Variants in SPMIP11 observed in about 807,000 individuals in gnomAD.
SPMIP11 encodes the protein long intergenic non-protein coding RNA 935.
the SPMIP11 span, among the ~76,000 whole-genome samples, chr12:48,747,076 A>G: frequency 0.6 from 91,508 of 151,984 alleles, 27,825 homozygotes; most frequent in East Asian, 0.76. Context: ...TGGCCCTTAC[A>G]GACAACTGAG....
chr12:48,763,656 C>T, the SPMIP11 span, among the ~76,000 whole-genome samples: 87 of 150,476 alleles, frequency 5.8e-4, 1 homozygote, highest in African/African-American at 2.1e-3. Context: ...TAGAATTAGA[C>T]TTATCCAAAT....
At chr12:48,741,335 G>C in the SPMIP11 span, among the ~76,000 whole-genome samples, 1 of 152,090 alleles carries the variant, frequency 6.6e-6, no homozygotes, top group Non-Finnish European at 1.5e-5. Context: ...ACAGGCATGA[G>C]CCACCATGCC....
At chr12:48,768,715 A>G in the SPMIP11 span, 2 of 1,613,776 alleles carry the variant, frequency 1.2e-6, no homozygotes, top group Non-Finnish European at 1.7e-6. Flanking sequence ...GTCCGTGGTC[A>G]CCTGGGGGAG....
At chr12:48,761,035 A>G in the SPMIP11 span, among the ~76,000 whole-genome samples, 2 of 152,224 alleles carry the variant, frequency 1.3e-5, no homozygotes, top group African/African-American at 4.8e-5. Flanking sequence ...TCCTTTAACC[A>G]CAACCTCTCT....
chr12:48,743,647 A>G, the SPMIP11 span, among the ~76,000 whole-genome samples: 1 of 151,816 alleles, frequency 6.6e-6, no homozygotes, highest in East Asian at 1.9e-4. Flanking sequence ...TCTCTATTAA[A>G]AATACAAAAA....
the SPMIP11 span, among the ~76,000 whole-genome samples, chr12:48,737,464 G>A: frequency 6.7e-6 from 1 of 150,336 alleles, no homozygotes; most frequent in South Asian, 2.1e-4. Context: ...ACCCAGGCAG[G>A]AGTGCAGTGG....
the SPMIP11 span, among the ~76,000 whole-genome samples, chr12:48,736,337 G>C: frequency 4.6e-5 from 7 of 150,724 alleles, no homozygotes; most frequent in East Asian, 7.8e-4. Flanking sequence ...GCTTAAGCCC[G>C]GGAGACAGAG....
chr12:48,762,356 CTTTTTT>C, the SPMIP11 span, among the ~76,000 whole-genome samples: 1 of 61,232 alleles, frequency 1.6e-5, no homozygotes, highest in East Asian at 5.1e-4. Context: ...CCCCGCCCAG[CTTTTTT>C]TTTTTTTTTT....
At chr12:48,728,550 T>C in the SPMIP11 span, among the ~76,000 whole-genome samples, 5 of 151,694 alleles carry the variant, frequency 3.3e-5, no homozygotes, top group Non-Finnish European at 7.4e-5. Context: ...CTACTAAAAA[T>C]ACAAACAATT....
chr12:48,734,699 C>T, the SPMIP11 span, among the ~76,000 whole-genome samples: 1 of 151,962 alleles, frequency 6.6e-6, no homozygotes, highest in African/African-American at 2.4e-5. Flanking sequence ...ATCACATAAA[C>T]TCTTTAAAAG....
chr12:48,750,662 G>A, the SPMIP11 span, among the ~76,000 whole-genome samples: 3 of 152,078 alleles, frequency 2.0e-5, no homozygotes, highest in East Asian at 1.9e-4. Context: ...CATTCTCTTC[G>A]TCTCCTAGCA....
the SPMIP11 span, chr12:48,765,909 G>A: frequency 2.1e-6 from 1 of 470,420 alleles, no homozygotes; most frequent in Non-Finnish European, 3.8e-6. Flanking sequence ...GGAGTGAGAG[G>A]TCTGTGAGGG....
the SPMIP11 span, chr12:48,727,485 C>T: frequency 1.4e-6 from 1 of 702,950 alleles, no homozygotes. Flanking sequence ...TCTGAGATGG[C>T]CTTCTTCAAC....
At chr12:48,768,594 A>G in the SPMIP11 span, 2 of 1,613,842 alleles carry the variant, frequency 1.2e-6, no homozygotes, top group South Asian at 2.2e-5. Context: ...GGCCCTGTTA[A>G]CTGCTGGGGC....
the SPMIP11 span, among the ~76,000 whole-genome samples, chr12:48,753,681 CTTTTTTTTTTCTTTTTTTTTT>C: frequency 3.3e-4 from 40 of 120,898 alleles, no homozygotes; most frequent in South Asian, 4.3e-3. Context: ...CTTTTCTTTA[CTTTTTTTTTTCTTTTTTTTTT>C]TTTTTTTTTT....
At chr12:48,757,299 A>G in the SPMIP11 span, among the ~76,000 whole-genome samples, 61 of 152,252 alleles carry the variant, frequency 4.0e-4, no homozygotes, top group East Asian at 0.01. Context: ...TCCCTTGCTC[A>G]GGAGTCTGAG....
the SPMIP11 span, among the ~76,000 whole-genome samples, chr12:48,750,023 A>G: frequency 6.6e-6 from 1 of 150,552 alleles, no homozygotes; most frequent in Non-Finnish European, 1.5e-5. Context: ...TCTTGAGCCC[A>G]CACCAACCCA....
the SPMIP11 span, chr12:48,768,832 C>A: frequency 2.3e-5 from 36 of 1,552,770 alleles, no homozygotes; most frequent in Non-Finnish European, 3.0e-5. Context: ...CCCCACCATA[C>A]ACAGAACACT....
At chr12:48,765,819 G>C in the SPMIP11 span, 1 of 621,184 alleles carries the variant, frequency 1.6e-6, no homozygotes, top group Admixed American at 2.4e-5. Context: ...GGGAGCTGTG[G>C]GGTCAGGATG....
Sources: gnomAD v4.1 joint callset for allele counts (sites outside exome capture counted in the v4.1 genomes callset) on GRCh38, gnomAD v4.1.1 for gene constraint, MANE v1.5 for transcripts, NCBI Gene and HGNC (gene_info 2026-07-23, HGNC 2026-07-21) for gene names.